The following PDE4D variants were observed in gnomAD, a reference collection of about 807,000 sequenced individuals.
The protein encoded by PDE4D is phosphodiesterase 4D.
In PDE4D, 24 loss-of-function variants were observed where a neutral mutation model predicts 87.4. That is an observed-to-expected ratio of 0.27 (90% CI 0.20 to 0.39). The LOEUF (loss-of-function observed/expected upper bound fraction) is 0.39, where lower values mean the gene tolerates loss of function less well. Among genes scored for constraint, PDE4D ranks in the 10% least tolerant of loss-of-function variants. The pLI, the probability that PDE4D is intolerant of heterozygous loss-of-function variation, is 1.00. For synonymous variants in PDE4D, 384 were observed against 383.2 expected (o/e 1.00, Z -0.02); for missense variants, 714 against 1,041.0 (o/e 0.69, Z 4.32).
At chr5:59,284,923 G>T (rs1195923347) in intron 1 of PDE4D, among the ~76,000 whole-genome samples, 2 of 50,476 alleles carry the variant, frequency 4.0e-5, no homozygotes, top group Admixed American at 2.5e-4. Context: ...GGACATGGAT[G>T]AAATTGGAAA....
At chr5:59,667,316 G>GCATTA (rs760876553) in intron 1 of PDE4D, among the ~76,000 whole-genome samples, 42 of 151,762 alleles carry the variant, frequency 2.8e-4, no homozygotes, top group Non-Finnish European at 5.0e-4. Flanking sequence ...GCATTGCATT[G>GCATTA]CATTACATTT....
intron 1 of PDE4D, among the ~76,000 whole-genome samples, chr5:59,791,775 A>C (rs1765822539): frequency 6.6e-6 from 1 of 152,150 alleles, no homozygotes; most frequent in South Asian, 2.1e-4. Flanking sequence ...TTAGAATCCT[A>C]AGACTTGATT....
At chr5:59,866,719 T>G (rs1747089478) in intron 1 of PDE4D, among the ~76,000 whole-genome samples, 1 of 152,206 alleles carries the variant, frequency 6.6e-6, no homozygotes, top group South Asian at 2.1e-4. Flanking sequence ...AGTAATATTC[T>G]GAAATAGAAA....
chr5:60,494,490 A>G (rs1251649006), intron 1 of PDE4D, among the ~76,000 whole-genome samples: 1 of 152,156 alleles, frequency 6.6e-6, no homozygotes, highest in African/African-American at 2.4e-5. Flanking sequence ...TTTCAGGAAA[A>G]CAATGTATTC....
intron 1 of PDE4D, among the ~76,000 whole-genome samples, chr5:59,523,978 TG>T (rs1812654268): frequency 6.6e-6 from 1 of 152,234 alleles, no homozygotes; most frequent in Non-Finnish European, 1.5e-5. Context: ...CCCAGTCATG[TG>T]GAACTGTAAG....
At chr5:59,923,623 C>T (rs1754930332) in intron 3 of PDE4D, among the ~76,000 whole-genome samples, 1 of 152,210 alleles carries the variant, frequency 6.6e-6, no homozygotes, top group African/African-American at 2.4e-5. Flanking sequence ...CAAGCGGGGA[C>T]ACCTCCATGG....
chr5:60,394,736 G>A (rs1227238152), intron 1 of PDE4D, among the ~76,000 whole-genome samples: 1 of 152,152 alleles, frequency 6.6e-6, no homozygotes, highest in East Asian at 1.9e-4. Flanking sequence ...TCAGTTACCA[G>A]ATACTAAATT....
chr5:60,104,602 G>C (rs1255692047), intron 2 of PDE4D, among the ~76,000 whole-genome samples: 1 of 152,184 alleles, frequency 6.6e-6, no homozygotes, highest in Non-Finnish European at 1.5e-5. Context: ...GCCTAACTGG[G>C]AGGCACCCAC....
intron 11 of PDE4D, among the ~76,000 whole-genome samples, chr5:58,984,746 T>G (rs1746017485): frequency 6.6e-6 from 1 of 152,324 alleles, no homozygotes; most frequent in African/African-American, 2.4e-5. Context: ...TGCCCCAAAC[T>G]TAGGCATCTT....
chr5:60,029,448 T>G (rs147612864), intron 2 of PDE4D, among the ~76,000 whole-genome samples: 3 of 152,326 alleles, frequency 2.0e-5, no homozygotes, highest in East Asian at 3.9e-4. Flanking sequence ...TCTTCCTGCC[T>G]TTGCTTCAAG....
intron 1 of PDE4D, among the ~76,000 whole-genome samples, chr5:59,282,643 C>CTAA (rs1766056351): frequency 2.6e-5 from 1 of 38,858 alleles, no homozygotes; most frequent in African/African-American, 1.1e-4. Context: ...AACTCCAGCT[C>CTAA]AAAAAAAAAA....
At chr5:60,192,319 A>G (rs959304546) in intron 1 of PDE4D, among the ~76,000 whole-genome samples, 2 of 152,184 alleles carry the variant, frequency 1.3e-5, no homozygotes, top group African/African-American at 4.8e-5. Context: ...TTAGATATGC[A>G]TTTCATATAT....
At position 60,185,804 on chromosome 5, in the gene PDE4D, G is replaced by A. The variant is rs140264265; in HGVS notation, c.-89-117C>T. On this transcript the variant is annotated intron_variant, in intron 1 of 16. Coordinates refer to the PDE4D transcript ENST00000502484. Reference sequence around the variant, plus strand: ...ATAATTCATCGGAACAGGCTAAAACGGTGCTGTGTTTAAAGCAATAAAAAA... The same window carrying A: ...ATAATTCATCGGAACAGGCTAAAACAGTGCTGTGTTTAAAGCAATAAAAAA... 3,933 of 406,034 alleles carry A rather than the reference G, an allele frequency of 9.7e-3. 46 individuals are homozygous for A. The highest frequency in any genetic ancestry group is 0.011 in the South Asian group (223 of 19,654). 25.2% of individuals were successfully genotyped at this position (406,034 alleles called of 1,614,324 possible).
intron 1 of PDE4D, among the ~76,000 whole-genome samples, chr5:60,345,044 T>G (rs1202061435): frequency 1.3e-5 from 2 of 152,092 alleles, no homozygotes. Flanking sequence ...TAGTTGAGAT[T>G]ATACTATATA....
At position 59,073,736 on chromosome 5, in the gene PDE4D, A is replaced by G. The variant is rs553794751; in HGVS notation, c.809-34765T>C. Among the ~76,000 whole-genome samples the G allele has an allele frequency of 2.3e-3, 355 of 152,348 alleles. 2 individuals are homozygous for G. The highest frequency in any genetic ancestry group is 8.5e-4 in the Non-Finnish European group (58 of 68,026). On this transcript the variant is annotated intron_variant, in intron 5 of 14. Transcript: ENST00000340635. ...CCAATTTCATAGCATTTCTCTTGCC[A>G]ATGAATGGCTTAGATATAAGCATAT...
intron 1 of PDE4D, among the ~76,000 whole-genome samples, chr5:59,351,860 C>T (rs1780580825): frequency 6.6e-6 from 1 of 152,074 alleles, no homozygotes; most frequent in East Asian, 1.9e-4. Context: ...GAGAAAAATT[C>T]AGAGTTAAGT....
intron 1 of PDE4D, among the ~76,000 whole-genome samples, chr5:59,221,347 T>C (rs1752518758): frequency 6.6e-6 from 1 of 152,202 alleles, no homozygotes; most frequent in African/African-American, 2.4e-5. Context: ...AATTTTCGTA[T>C]GGGGCTGGGT....
At chr5:60,493,094 C>G (rs2150236888) in intron 1 of PDE4D, among the ~76,000 whole-genome samples, 2 of 152,204 alleles carry the variant, frequency 1.3e-5, no homozygotes, top group Middle Eastern at 6.8e-3. Context: ...TTGCCTGGTT[C>G]TCAATTGACA....
chr5:59,660,592 A>C (rs1403446069), intron 1 of PDE4D, among the ~76,000 whole-genome samples: 1 of 152,170 alleles, frequency 6.6e-6, no homozygotes, highest in African/African-American at 2.4e-5. Context: ...GTTAGTTCTG[A>C]CTACATTCAT....
Sources: allele counts gnomAD v4.1 joint callset (sites outside exome capture counted in the v4.1 genomes callset), GRCh38; gene constraint gnomAD v4.1.1; transcripts MANE v1.5; gene names NCBI Gene and HGNC (gene_info 2026-07-23, HGNC 2026-07-21).